The following ARL15 variants were observed in gnomAD, a reference collection of about 807,000 sequenced individuals.
The protein encoded by ARL15 is ADP-ribosylation factor-like protein 15.
ARL15 carries 19 observed loss-of-function variants against 25.2 expected under a neutral mutation model. The observed-to-expected ratio is 0.75, with a 90% confidence interval of 0.53 to 1.10. ARL15 has a LOEUF of 1.10. Ranked by LOEUF, ARL15 falls within the 50% of genes least tolerant of loss-of-function variation. The pLI, the probability that ARL15 is intolerant of heterozygous loss-of-function variation, is 0.00. For synonymous variants in ARL15, 94 were observed against 86.8 expected (o/e 1.08, Z -0.46); for missense variants, 220 against 246.0 (o/e 0.89, Z 0.71).
At chr5:54,124,823 C>T (rs1185661680) in intron 3 of ARL15, among the ~76,000 whole-genome samples, 1 of 152,130 alleles carries the variant, frequency 6.6e-6, no homozygotes, top group African/African-American at 2.4e-5. Context: ...TAAAACCCCA[C>T]AGAAATGTTA....
At chr5:54,092,795 G>A (rs796803502) in intron 4 of ARL15, among the ~76,000 whole-genome samples, 14 of 152,154 alleles carry the variant, frequency 9.2e-5, no homozygotes, top group African/African-American at 2.6e-4. Context: ...ATCTTTAGGC[G>A]GATCTTTATT....
At chr5:54,060,752 A>C (rs1396153166) in intron 4 of ARL15, among the ~76,000 whole-genome samples, 1 of 152,228 alleles carries the variant, frequency 6.6e-6, no homozygotes. Context: ...GTTTTAGCAA[A>C]GAGACTGGCA....
At chr5:54,107,043 A>G (rs1289525800) in intron 4 of ARL15, among the ~76,000 whole-genome samples, 1 of 152,120 alleles carries the variant, frequency 6.6e-6, no homozygotes, top group Non-Finnish European at 1.5e-5. Context: ...AACTGAACTT[A>G]CAGTTCCACA....
At chr5:54,162,028 G>C (rs201624302) in intron 2 of ARL15, among the ~76,000 whole-genome samples, 3,022 of 105,892 alleles carry the variant, frequency 0.029, 68 homozygotes, top group African/African-American at 0.079. Context: ...CACACACAGA[G>C]AGAGATACAC....
chr5:54,093,421 G>T (rs1194887615), intron 4 of ARL15, among the ~76,000 whole-genome samples: 3 of 152,108 alleles, frequency 2.0e-5, no homozygotes, highest in Admixed American at 6.6e-5. Flanking sequence ...GGGTAAGGAT[G>T]TGACAGAGCC....
chr5:54,078,212 C>T (rs1751672637), intron 4 of ARL15, among the ~76,000 whole-genome samples: 1 of 152,130 alleles, frequency 6.6e-6, no homozygotes, highest in African/African-American at 2.4e-5. Flanking sequence ...TCATCTGCTC[C>T]TAAGTATGCT....
intron 3 of ARL15, among the ~76,000 whole-genome samples, chr5:54,115,312 C>A (rs938871484): frequency 6.6e-6 from 1 of 152,096 alleles, no homozygotes; most frequent in Non-Finnish European, 1.5e-5. Context: ...TGGGGCAATT[C>A]TTTTTTAATT....
intron 1 of ARL15, among the ~76,000 whole-genome samples, chr5:54,230,346 G>GAAAAAAAAAAAAAAAAAAAAAAAAA (rs137882615): frequency 3.3e-5 from 3 of 91,854 alleles, no homozygotes; most frequent in African/African-American, 8.5e-5. Context: ...TTCCATCTCA[G>GAAAAAAAAAAAAAAAAAAAAAAAAA]AAAAAAAAAA....
intron 4 of ARL15, among the ~76,000 whole-genome samples, chr5:54,094,451 A>G (rs2112156274): frequency 6.6e-6 from 1 of 152,064 alleles, no homozygotes; most frequent in East Asian, 1.9e-4. Context: ...GTAATGATAT[A>G]GAGACTACAC....
intron 4 of ARL15, among the ~76,000 whole-genome samples, chr5:54,002,725 G>A (rs982124105): frequency 1.3e-5 from 2 of 152,150 alleles, no homozygotes; most frequent in Non-Finnish European, 2.9e-5. Context: ...GACACTGATC[G>A]CTAACAGATG....
chr5:54,163,361 T>G (rs1225411763), intron 2 of ARL15, among the ~76,000 whole-genome samples: 1 of 22,178 alleles, frequency 4.5e-5, no homozygotes, highest in African/African-American at 1.3e-4. Flanking sequence ...TGAAGCTTTT[T>G]TTTTTTTTTT....
intron 4 of ARL15, among the ~76,000 whole-genome samples, chr5:54,074,212 T>A (rs75575055): frequency 6.6e-6 from 1 of 152,088 alleles, no homozygotes; most frequent in Non-Finnish European, 1.5e-5. Flanking sequence ...AGATTGGTAT[T>A]CAAACACCAG....
intron 1 of ARL15, among the ~76,000 whole-genome samples, chr5:54,225,377 T>C (rs1214883273): frequency 2.0e-5 from 3 of 152,164 alleles, no homozygotes; most frequent in Non-Finnish European, 4.4e-5. Flanking sequence ...TGGATAACTA[T>C]GTCAAAGGTG....
intron 1 of ARL15, among the ~76,000 whole-genome samples, chr5:54,204,543 A>C (rs1159791768): frequency 6.6e-6 from 1 of 152,178 alleles, no homozygotes; most frequent in Admixed American, 6.5e-5. Flanking sequence ...CATTAACTCC[A>C]GACTGTGGCC....
chr5:54,040,536 G>A (rs1216542822), intron 4 of ARL15, among the ~76,000 whole-genome samples: 1 of 152,098 alleles, frequency 6.6e-6, no homozygotes, highest in Non-Finnish European at 1.5e-5. Context: ...CACAAAGTAT[G>A]AAAAAGGCAT....
intron 2 of ARL15, among the ~76,000 whole-genome samples, chr5:54,165,543 C>A (rs1754535654): frequency 6.6e-6 from 1 of 151,548 alleles, no homozygotes; most frequent in African/African-American, 2.4e-5. Flanking sequence ...TTCTTACTTG[C>A]ATTTTTCCAG....
chr5:54,092,072 AC>A (rs1165915673), intron 4 of ARL15, among the ~76,000 whole-genome samples: 7 of 149,494 alleles, frequency 4.7e-5, no homozygotes, highest in East Asian at 2.0e-4. Context: ...ACACACACAC[AC>A]CACCACCACC....
chr5:53,932,694 A>G (rs369095121), intron 4 of ARL15, among the ~76,000 whole-genome samples: 25 of 152,324 alleles, frequency 1.6e-4, no homozygotes, highest in East Asian at 5.8e-4. Context: ...ATTCCGTGCT[A>G]TATTGGTTAT....
intron 4 of ARL15, among the ~76,000 whole-genome samples, chr5:53,907,477 T>TATATATATATAC (rs1745292052): frequency 3.1e-5 from 1 of 32,428 alleles, no homozygotes; most frequent in African/African-American, 1.3e-4. Flanking sequence ...TATATATATA[T>TATATATATATAC]ATATATATAT....
Sources: allele counts gnomAD v4.1 joint callset (sites outside exome capture counted in the v4.1 genomes callset), GRCh38; gene constraint gnomAD v4.1.1; transcripts MANE v1.5; gene names NCBI Gene and HGNC (gene_info 2026-07-23, HGNC 2026-07-21).